Variants in AMT observed in about 807,000 individuals in gnomAD.
The protein encoded by AMT is aminomethyltransferase, mitochondrial.
Under a neutral mutation model 39.5 loss-of-function variants are expected in AMT, and 24 were observed. That is an observed-to-expected ratio of 0.61 (90% CI 0.44 to 0.86). AMT has a LOEUF of 0.86. Ranked by LOEUF, AMT falls within the 40% of genes least tolerant of loss-of-function variation. The probability of loss-of-function intolerance (pLI) is 0.00; values close to 1 mark genes in which losing one functional copy is unlikely to be tolerated. For missense variants in AMT, 501 were observed against 537.0 expected (o/e 0.93, Z 0.66); for synonymous variants, 210 against 212.1 (o/e 0.99, Z 0.09).
chr3:49,420,908 A>G (rs1461147946), intron 3 of AMT: 2 of 202,436 alleles, frequency 9.9e-6, no homozygotes, highest in Non-Finnish European at 1.0e-5. Flanking sequence ...ACAAGCTCCA[A>G]AGATGCTGGT....
chr3:49,419,240 C>A lies in AMT; in HGVS notation c.696+20G>T. On this transcript the variant is annotated intron_variant, in intron 6 of 8. Transcript: ENST00000273588. ...TGCATCCTGTGCCCTGTACTGCCCC[C>A]ACACCACTTCTTGACACACCTCCAC... 1 of 1,614,118 alleles carries A rather than the reference C, an allele frequency of 6.2e-7. No individual in the cohort carries two copies. The highest frequency in any genetic ancestry group is 8.5e-7 in the Non-Finnish European group (1 of 1,180,020).
rs760390077 is a variant in AMT, at chr3:49,417,476, C to T, written c.*64G>A. On this transcript the variant is annotated 3_prime_UTR_variant, in exon 9 of 9. Transcript: ENST00000273588. ...CCACCCCCAGTGAGTTCTGCCTCAGCTTCTTGACTAACCCCTTGTAGGGGC... is the reference window on the plus strand; with the variant it reads ...CCACCCCCAGTGAGTTCTGCCTCAGTTTCTTGACTAACCCCTTGTAGGGGC... 1 of 1,614,104 alleles carries T rather than the reference C, an allele frequency of 6.2e-7. No homozygotes were observed. Among genetic ancestry groups the T allele is most frequent in the South Asian group, 1.1e-5 (1 of 91,082 alleles).
chr3:49,417,374 TG>T lies in AMT; in HGVS notation c.*165del. 6.2e-7 allele frequency: 1 copy of T among 1,601,458 alleles called. No homozygotes were observed. The highest frequency in any genetic ancestry group is 8.5e-7 in the Non-Finnish European group (1 of 1,177,512). ...AGCAGGGTCCTGAAGGAAGCTGGAATGGCATGAGTTAGGTGGGGGGAATAGG... is the reference window on the plus strand; with the variant it reads ...AGCAGGGTCCTGAAGGAAGCTGGAATGCATGAGTTAGGTGGGGGGAATAGG... On this transcript the variant is annotated 3_prime_UTR_variant, in exon 9 of 9. Transcript: ENST00000273588.
rs988111205 is a variant in AMT at position 49,417,032 on chromosome 3, G to A, written c.*508C>T. 7.1e-6 allele frequency: 4 copies of A among 562,552 alleles called. No homozygotes were observed. Among genetic ancestry groups the A allele is most frequent in the Non-Finnish European group, 1.3e-5 (4 of 297,586 alleles). 34.8% of individuals were successfully genotyped at this position (562,552 alleles called of 1,614,324 possible). A position where few individuals can be genotyped will look rare whatever the true frequency, so the allele number is the denominator to read the frequency against. On this transcript the variant is annotated 3_prime_UTR_variant, in exon 9 of 9. Transcript: ENST00000273588. ...ATCCCCAAGTTTACACACAGGCATAGCAGCCCTACTGTGAGTCAGCAATCA... is the reference window on the plus strand; with the variant it reads ...ATCCCCAAGTTTACACACAGGCATAACAGCCCTACTGTGAGTCAGCAATCA...
intron 7 of AMT, chr3:49,418,318 G>A (rs2049034829): frequency 2.9e-6 from 1 of 341,558 alleles, no homozygotes. Context: ...GAGTAGCTGG[G>A]ATAACAGGCA....
At position 49,420,441 on chromosome 3, in the gene AMT, A is replaced by G. The variant is rs1396275791; in HGVS notation, c.340-99T>C. The G allele has an allele frequency of 1.9e-6, 3 of 1,567,572 alleles. No individual in the cohort carries two copies. In the African/African-American group the frequency reaches 4.1e-5, roughly 21 times the overall value. On this transcript the variant is annotated intron_variant, in intron 3 of 8. Transcript: ENST00000273588. ...GGACCCACTTAGTTACCAAAAGGTT[A>G]TGAACCCTAATGTGAAGGACTCAGG...
intron 7 of AMT, 66 bp downstream of exon 7, chr3:49,418,905 T>A: frequency 1.3e-6 from 2 of 1,547,042 alleles, no homozygotes; most frequent in Non-Finnish European, 1.8e-6. Context: ...AGTCATGGGC[T>A]GGCTAGTCTT....
chr3:49,417,178 G>A lies in AMT; in HGVS notation c.*362C>T. ...GTGAAAAACCATGGTGAGGTAGGTT[G>A]GGCAGGTTTTATCCTCTCCACAAAG... On this transcript the variant is annotated 3_prime_UTR_variant, in exon 9 of 9. Coordinates refer to ENST00000273588, the MANE Select transcript of AMT (RefSeq NM_000481.4). The A allele has an allele frequency of 8.4e-7, 1 of 1,183,834 alleles. No homozygotes were observed. Among genetic ancestry groups the A allele is most frequent in the South Asian group, 1.3e-5 (1 of 78,288 alleles). 73.3% of individuals were successfully genotyped at this position (1,183,834 alleles called of 1,614,324 possible).
chr3:49,422,330 C>A (rs1156299532), intron 1 of AMT, 31 bp downstream of exon 1: 1 of 1,613,912 alleles, frequency 6.2e-7, no homozygotes, highest in Non-Finnish European at 8.5e-7. Flanking sequence ...TTCCCTCCCC[C>A]ACCCTCCAAG....
chr3:49,419,693 C>A lies in AMT; in HGVS notation c.550+17G>T. On this transcript the variant is annotated intron_variant, in intron 5 of 8. Coordinates refer to ENST00000273588, the MANE Select transcript of AMT (RefSeq NM_000481.4). ...GGAAGGCAAAGGTTGGCTCCAACCC[C>A]AGCCCAGCCCTCTCACCTTGCAGAG... The A allele has an allele frequency of 6.2e-7, 1 of 1,613,622 alleles. No homozygotes were observed. The highest frequency in any genetic ancestry group is 1.3e-5 in the African/African-American group (1 of 75,034).
In AMT at chr3:49,417,989, T is replaced by A. The variant is rs904011401; in HGVS notation, c.878-16A>T. On this transcript the variant is annotated splice_polypyrimidine_tract_variant and intron_variant, in intron 7 of 8. Coordinates refer to ENST00000273588, the MANE Select transcript of AMT (RefSeq NM_000481.4). The stretch of plus-strand genomic sequence containing the variant: ...CGGCGCTTCCCTGGAGAATGACACA[T>A]GAGACATAAGCCACAGCCCATAGAA... 9 of 1,598,606 alleles carry A rather than the reference T, an allele frequency of 5.6e-6. No homozygotes were observed. The highest frequency in any genetic ancestry group is 6.0e-6 in the Non-Finnish European group (7 of 1,173,580).
chr3:49,419,416 G>C lies in AMT; in HGVS notation c.551-11C>G, dbSNP rs760119523. 1.2e-6 allele frequency: 2 copies of C among 1,613,410 alleles called. 1 individual carries two copies. Among genetic ancestry groups the C allele is most frequent in the South Asian group, 2.2e-5 (2 of 90,924 alleles). ...GGGCTGCAGTGGGGCCTGGGCCCAG[G>C]GAGCCAGTGACCAAGTATCCAGGTC... On this transcript the variant is annotated splice_polypyrimidine_tract_variant and intron_variant, in intron 5 of 8. Transcript: ENST00000273588.
chr3:49,418,749 C>T (rs2049044768), intron 7 of AMT: 2 of 552,164 alleles, frequency 3.6e-6, no homozygotes, highest in Non-Finnish European at 6.6e-6. Flanking sequence ...TCGTGATCCA[C>T]CCGCCTCGGC....
At chr3:49,418,100 C>T in intron 7 of AMT, 127 bp from the exon 8 acceptor site, 1 of 1,239,832 alleles carries the variant, frequency 8.1e-7, no homozygotes, top group Admixed American at 2.0e-5. Flanking sequence ...ACTCCAGGCT[C>T]TATTCCTCCC....
At position 49,417,432 on chromosome 3, in the gene AMT, C is replaced by G. The variant is rs1021148791; in HGVS notation, c.*108G>C. On this transcript the variant is annotated 3_prime_UTR_variant, in exon 9 of 9. Transcript: ENST00000273588. ...GGCCCCTCAACCAGACAATTAGAAT[C>G]AGCCTCCACCTTAACTGCCCACCCC... The G allele has an allele frequency of 6.2e-7, 1 of 1,612,832 alleles. No homozygotes were observed. Among genetic ancestry groups the G allele is most frequent in the Admixed American group, 1.7e-5 (1 of 60,018 alleles).
At chr3:49,421,421 G>T in intron 3 of AMT, 71 bp downstream of exon 3, 2 of 1,251,358 alleles carry the variant, frequency 1.6e-6, no homozygotes, top group Non-Finnish European at 2.4e-6. Context: ...CCCTAAGCCT[G>T]AGGTAGGGAC....
In AMT at chr3:49,417,410, C is replaced by A. The variant is rs143731179; in HGVS notation, c.*130G>T. 3,503 of 1,609,924 alleles carry A rather than the reference C, an allele frequency of 2.2e-3. 6 individuals carry two copies. The highest frequency in any genetic ancestry group is 2.6e-3 in the Non-Finnish European group (3,076 of 1,179,640). On this transcript the variant is annotated 3_prime_UTR_variant, in exon 9 of 9. Coordinates refer to ENST00000273588, the MANE Select transcript of AMT (RefSeq NM_000481.4). The stretch of plus-strand genomic sequence containing the variant: ...AGGTGGGGGGAATAGGTGGTGTGGC[C>A]CCTCAACCAGACAATTAGAATCAGC...
chr3:49,422,308 G>A (rs1230376710), intron 1 of AMT, 37 bp from the exon 2 acceptor site: 1 of 1,613,462 alleles, frequency 6.2e-7, no homozygotes, highest in Non-Finnish European at 8.5e-7. Flanking sequence ...CAGGGCCCTA[G>A]CCCCCAGCCG....
At chr3:49,421,199 G>C (rs188052160) in intron 3 of AMT, 1 of 424,690 alleles carries the variant, frequency 2.4e-6, no homozygotes, top group South Asian at 2.2e-5. Flanking sequence ...GAGTCACGTC[G>C]CCTGGCCAGG....
Sources: gnomAD v4.1 joint callset for allele counts on GRCh38, gnomAD v4.1.1 for gene constraint, MANE v1.5 for transcripts, NCBI Gene and HGNC (gene_info 2026-07-23, HGNC 2026-07-21) for gene names.